The following CCDC102B variants were observed in gnomAD, a reference collection of about 807,000 sequenced individuals.
CCDC102B encodes the protein coiled-coil domain-containing protein 102B.
CCDC102B carries 75 observed loss-of-function variants against 57.4 expected under a neutral mutation model. The observed-to-expected ratio is 1.31, with a 90% CI of 1.08 to 1.58. CCDC102B has a LOEUF of 1.58. Ranked by LOEUF, CCDC102B falls within the 40% of genes most tolerant of loss-of-function variation. The pLI is 0.00. For missense variants in CCDC102B, 636 were observed against 582.6 expected (o/e 1.09, Z -0.94); for synonymous variants, 206 against 201.9 (o/e 1.02, Z -0.17).
At chr18:68,913,244 C>CTCTA (rs1426436997) in intron 6 of CCDC102B, among the ~76,000 whole-genome samples, 2 of 151,278 alleles carry the variant, frequency 1.3e-5, no homozygotes, top group Non-Finnish European at 2.9e-5. Flanking sequence ...ACATCAGTAA[C>CTCTA]TAGAAAGAAT....
intron 7 of CCDC102B, among the ~76,000 whole-genome samples, chr18:69,028,595 C>T (rs2052056105): frequency 6.6e-6 from 1 of 151,992 alleles, no homozygotes; most frequent in Non-Finnish European, 1.5e-5. Flanking sequence ...CTTACTACTC[C>T]TAACCTATTG....
intron 2 of CCDC102B, among the ~76,000 whole-genome samples, chr18:68,725,015 T>A (rs944375735): frequency 2.0e-5 from 3 of 152,150 alleles, no homozygotes; most frequent in East Asian, 3.9e-4. Flanking sequence ...AAACTTACAA[T>A]CATGGCGGAA....
chr18:68,979,015 G>A (rs1381373745), intron 6 of CCDC102B, among the ~76,000 whole-genome samples: 1 of 151,998 alleles, frequency 6.6e-6, no homozygotes, highest in African/African-American at 2.4e-5. Flanking sequence ...TCAAAAACAA[G>A]TGAAACTGAC....
chr18:69,037,256 G>A (rs780164301), intron 7 of CCDC102B, among the ~76,000 whole-genome samples: 10 of 151,808 alleles, frequency 6.6e-5, no homozygotes, highest in South Asian at 6.2e-4. Context: ...CCACACATCC[G>A]TATGTACAAA....
Position 69,035,833 on chromosome 18 carries a change from G to T in CCDC102B, c.1435-18197G>T, listed in dbSNP as rs192622600. ...GATGCTTATTTCTTGTAAAGGTTCT[G>T]CATTGCATGAGGTGCATTTGGGGAA... is the stretch of plus-strand genomic sequence containing the variant. On this transcript the variant is annotated intron_variant, in intron 7 of 7. Transcript: ENST00000360242. Among the ~76,000 whole-genome samples, 35 of 152,248 alleles carry T rather than the reference G, an allele frequency of 2.3e-4. 1 individual carries two copies. In the East Asian group the frequency reaches 6.8e-3, roughly 29 times the overall value.
At chr18:69,007,669 G>T (rs1241612012) in intron 6 of CCDC102B, among the ~76,000 whole-genome samples, 1 of 152,202 alleles carries the variant, frequency 6.6e-6, no homozygotes, top group South Asian at 2.1e-4. Context: ...CCCAAGTGAT[G>T]CCGTTGCTGC....
At chr18:68,911,522 G>A (rs1414258726) in intron 6 of CCDC102B, among the ~76,000 whole-genome samples, 2 of 150,436 alleles carry the variant, frequency 1.3e-5, no homozygotes, top group Non-Finnish European at 2.9e-5. Flanking sequence ...GGAGGCCGAG[G>A]CGGGCGGATC....
chr18:68,722,590 TAAAA>T (rs1568217007), intron 2 of CCDC102B, among the ~76,000 whole-genome samples: 1 of 152,100 alleles, frequency 6.6e-6, no homozygotes, highest in Non-Finnish European at 1.5e-5. Flanking sequence ...AAAGTAAATT[TAAAA>T]AAGAAAAGGT....
intron 2 of CCDC102B, among the ~76,000 whole-genome samples, chr18:68,780,200 G>A (rs1383890552): frequency 6.6e-6 from 1 of 151,674 alleles, no homozygotes; most frequent in African/African-American, 2.4e-5. Context: ...GTACTTTATT[G>A]CTTTTTATTG....
At chr18:68,956,636 A>G (rs972323729) in intron 6 of CCDC102B, among the ~76,000 whole-genome samples, 1 of 126,580 alleles carries the variant, frequency 7.9e-6, no homozygotes, top group Non-Finnish European at 1.6e-5. Context: ...ATATCGCACC[A>G]TACATATAGC....
intron 6 of CCDC102B, among the ~76,000 whole-genome samples, chr18:68,956,411 A>AT (rs1484693072): frequency 0.011 from 347 of 32,822 alleles, 29 homozygotes; most frequent in African/African-American, 0.033. Context: ...TATATTTTAT[A>AT]TATATTATAT....
At chr18:68,841,834 G>A (rs537227305) in intron 3 of CCDC102B, among the ~76,000 whole-genome samples, 49 of 152,230 alleles carry the variant, frequency 3.2e-4, no homozygotes, top group African/African-American at 1.1e-3. Context: ...CTGGGCTCAA[G>A]CCATCCTCCC....
At chr18:68,961,355 TA>T (rs1220682840) in intron 6 of CCDC102B, among the ~76,000 whole-genome samples, 2 of 151,916 alleles carry the variant, frequency 1.3e-5, no homozygotes, top group East Asian at 1.9e-4. Flanking sequence ...GAAACAAGAA[TA>T]AAAAAATTTG....
intron 2 of CCDC102B, among the ~76,000 whole-genome samples, chr18:68,720,800 A>G (rs1021248355): frequency 1.3e-5 from 2 of 152,166 alleles, no homozygotes; most frequent in Admixed American, 6.5e-5. Flanking sequence ...TCATATGGGC[A>G]TAGTGGCTCA....
At chr18:68,939,680 T>G (rs997836512) in intron 6 of CCDC102B, among the ~76,000 whole-genome samples, 3 of 151,854 alleles carry the variant, frequency 2.0e-5, no homozygotes, top group African/African-American at 7.2e-5. Flanking sequence ...TGCAATAGAT[T>G]ATGCCACAAG....
intron 6 of CCDC102B, among the ~76,000 whole-genome samples, chr18:68,952,848 G>T (rs1050981934): frequency 6.6e-6 from 1 of 152,080 alleles, no homozygotes; most frequent in Non-Finnish European, 1.5e-5. Context: ...TATATTGTTT[G>T]AATTTGCATT....
In CCDC102B at chr18:68,893,112, A is replaced by G. The variant is rs138552181; in HGVS notation, c.1054-4107A>G. Among the ~76,000 whole-genome samples the G allele has an allele frequency of 2.2e-4, 33 of 152,326 alleles. 1 individual carries two copies. Among genetic ancestry groups the G allele is most frequent in the African/African-American group, 7.5e-4 (31 of 41,586 alleles). ...AACTTGAGGAAAAAGTAAATACACT[A>G]TTTTGTATCTGAAGTGGCTGTTGAT... On this transcript the variant is annotated intron_variant, in intron 5 of 7. Coordinates refer to ENST00000360242, the MANE Select transcript of CCDC102B (RefSeq NM_024781.3).
intron 6 of CCDC102B, among the ~76,000 whole-genome samples, chr18:68,936,937 A>G (rs961497592): frequency 1.3e-5 from 2 of 151,784 alleles, no homozygotes; most frequent in African/African-American, 4.8e-5. Context: ...TTCCATAAAG[A>G]CCCTACAGGA....
At chr18:68,901,379 T>G (rs1233401753) in intron 6 of CCDC102B, among the ~76,000 whole-genome samples, 3 of 152,258 alleles carry the variant, frequency 2.0e-5, no homozygotes, top group South Asian at 2.1e-4. Flanking sequence ...ATTTCATGGG[T>G]GGCACACAAA....
Sources: allele counts gnomAD v4.1 joint callset (sites outside exome capture counted in the v4.1 genomes callset), GRCh38; gene constraint gnomAD v4.1.1; transcripts MANE v1.5; gene names NCBI Gene and HGNC (gene_info 2026-07-23, HGNC 2026-07-21).